The following TOR1AIP2 variants were observed in gnomAD, a reference collection of about 807,000 sequenced individuals.
TOR1AIP2 encodes the protein torsin 1A interacting protein 2.
Under a neutral mutation model 32.6 loss-of-function variants are expected in TOR1AIP2, and 20 were observed. That is an observed-to-expected ratio of 0.61 (90% confidence interval 0.43 to 0.89). The LOEUF (loss-of-function observed/expected upper bound fraction) is 0.89, where lower values mean the gene tolerates loss of function less well. Among genes scored for constraint, TOR1AIP2 ranks in the 40% least tolerant of loss-of-function variants. The pLI is 0.00. For synonymous variants in TOR1AIP2, 214 were observed against 210.8 expected (o/e 1.02, Z -0.13); for missense variants, 456 against 553.8 (o/e 0.82, Z 1.77).
At position 179,864,690 on chromosome 1, in the gene TOR1AIP2, G is replaced by A. The variant is rs140718956; in HGVS notation, c.-147+746C>T. 2.7e-6 allele frequency: 4 copies of A among 1,500,084 alleles called. No individual in the cohort carries two copies. The African/African-American group carries it at 5.6e-5, about 21-fold the overall frequency. 92.9% of individuals were successfully genotyped at this position (1,500,084 alleles called of 1,614,324 possible). A position where few individuals can be genotyped will look rare whatever the true frequency, so the allele number is the denominator to read the frequency against. ...GCAGTTCCCAAAGTAGTGACAATCT[G>A]GGTCAGACTTAGAAATGAATTATTT... On this transcript the variant is annotated intron_variant, in intron 3 of 6. Coordinates refer to ENST00000609928, the MANE Select transcript of TOR1AIP2 (RefSeq NM_001199260.2).
intron 3 of TOR1AIP2, chr1:179,860,417 G>C (rs1365034181): frequency 1.0e-6 from 1 of 962,958 alleles, no homozygotes; most frequent in East Asian, 1.2e-4. Flanking sequence ...AGAAGGTCAA[G>C]GCTGCAGTGA....
intron 3 of TOR1AIP2, among the ~76,000 whole-genome samples, chr1:179,858,082 G>A (rs796984560): frequency 5.9e-5 from 9 of 151,558 alleles, no homozygotes; most frequent in African/African-American, 2.2e-4. Flanking sequence ...TTGAGCCCAG[G>A]AGTTCAAGGC....
intron 2 of TOR1AIP2, chr1:179,873,947 T>C (rs1000410552): frequency 4.6e-5 from 7 of 152,244 alleles, no homozygotes; most frequent in Admixed American, 2.0e-4. Context: ...ATAAGATTTT[T>C]CAGGCTCATC....
chr1:179,877,056 G>A (rs899120738), intron 2 of TOR1AIP2, among the ~76,000 whole-genome samples, 183 bp downstream of exon 2: 1 of 151,506 alleles, frequency 6.6e-6, no homozygotes, highest in Non-Finnish European at 1.5e-5. Context: ...TAGGCATGTT[G>A]GGAATGGAGT....
intron 2 of TOR1AIP2, chr1:179,875,146 G>C (rs896974802): frequency 1.3e-5 from 2 of 152,444 alleles, no homozygotes; most frequent in Non-Finnish European, 2.9e-5. Context: ...GATTACAGGT[G>C]CCCGCCACCA....
intron 3 of TOR1AIP2, chr1:179,865,215 C>G: frequency 6.4e-7 from 1 of 1,552,768 alleles, no homozygotes; most frequent in Non-Finnish European, 8.7e-7. Context: ...AATGTGACAG[C>G]AAGAGACAAC....
chr1:179,850,340 C>A (rs189616273), intron 5 of TOR1AIP2, among the ~76,000 whole-genome samples: 81 of 152,278 alleles, frequency 5.3e-4, no homozygotes, highest in African/African-American at 1.8e-3. Context: ...GCAGAAAAAA[C>A]CACGTATAGA....
chr1:179,860,980 T>G (rs775354347), intron 3 of TOR1AIP2: 15 of 985,358 alleles, frequency 1.5e-5, no homozygotes, highest in Non-Finnish European at 1.3e-5. Flanking sequence ...AGATGAATCT[T>G]ACCTCACTCA....
At chr1:179,850,816 CA>C (rs1325659003) in intron 5 of TOR1AIP2, 28 bp downstream of exon 5, 1 of 1,600,520 alleles carries the variant, frequency 6.2e-7, no homozygotes, top group Non-Finnish European at 8.5e-7. Context: ...CAGTACAAAA[CA>C]GGAGAGTAGT....
chr1:179,869,111 G>A (rs1696916105), intron 2 of TOR1AIP2: 1 of 152,236 alleles, frequency 6.6e-6, no homozygotes, highest in South Asian at 2.1e-4. Context: ...CAAAGTGCTG[G>A]TATTATAGGC....
intron 3 of TOR1AIP2, among the ~76,000 whole-genome samples, chr1:179,858,322 T>G (rs748791824): frequency 6.6e-6 from 1 of 151,646 alleles, no homozygotes; most frequent in Non-Finnish European, 1.5e-5. Context: ...ATATATAAAT[T>G]TATAACAAAA....
At chr1:179,862,244 G>T (rs1696567731) in intron 3 of TOR1AIP2, 1 of 980,524 alleles carries the variant, frequency 1.0e-6, no homozygotes. Flanking sequence ...TTTCACATTT[G>T]TAGAATGTTT....
intron 5 of TOR1AIP2, among the ~76,000 whole-genome samples, chr1:179,848,122 A>T (rs1220100120): frequency 1.3e-5 from 2 of 152,224 alleles, no homozygotes; most frequent in Non-Finnish European, 2.9e-5. Context: ...GGATAAAATG[A>T]AATACTGTGA....
At chr1:179,854,725 G>C (rs1247091386) in intron 3 of TOR1AIP2, among the ~76,000 whole-genome samples, 3 of 152,096 alleles carry the variant, frequency 2.0e-5, no homozygotes, top group Non-Finnish European at 4.4e-5. Context: ...ACAAAAATTA[G>C]CCGGGCATGG....
In TOR1AIP2 at chr1:179,859,852, G is replaced by T. The variant is rs545056294; in HGVS notation, c.-147+5584C>A. ...TTTTTTGTTTTTGTTTTTAGATAAA[G>T]GGCCTTACTCTGTTGCCCAGGCTGG... On this transcript the variant is annotated intron_variant, in intron 3 of 6. Transcript: ENST00000609928. The T allele has an allele frequency of 1.5e-5, 15 of 984,828 alleles. No individual in the cohort carries two copies. In the East Asian group the frequency reaches 1.1e-3, roughly 75 times the overall value. 61.0% of individuals were successfully genotyped at this position (984,828 alleles called of 1,614,324 possible). A position where few individuals can be genotyped will look rare whatever the true frequency, so the allele number is the denominator to read the frequency against.
chr1:179,864,716 T>C (rs1391422516), intron 3 of TOR1AIP2: 36 of 1,508,076 alleles, frequency 2.4e-5, no homozygotes, highest in Non-Finnish European at 3.2e-5. Context: ...TGAATTATTT[T>C]TCCATCTTCC....
In TOR1AIP2 at chr1:179,840,889, T is replaced by TATAATAATATTAATAATAATAATA. The variant is rs1695698601; in HGVS notation, c.*5181_*5182insTATTATTATTATTAATATTATTAT. ...TCCACATGTATCCCAGAACTTAAAC[T>TATAATAATATTAATAATAATAATA]ATAATAATAATAATAATAATAATAA... is the stretch of plus-strand genomic sequence containing the variant. On this transcript the variant is annotated 3_prime_UTR_variant, in exon 7 of 7. Transcript: ENST00000609928. 6.8e-6 allele frequency: 1 copy of TATAATAATATTAATAATAATAATA among 146,748 alleles called. No homozygotes were observed. The highest frequency in any genetic ancestry group is 2.6e-5 in the African/African-American group (1 of 38,824). The allele number at this position is 146,748 out of a possible 1,614,324, so 9.1% of individuals were successfully genotyped here.
chr1:179,846,822 A>T lies in TOR1AIP2; in HGVS notation c.662T>A (p.Val221Glu). 6.3e-7 allele frequency: 1 copy of T among 1,589,846 alleles called. No homozygotes were observed. Among genetic ancestry groups the T allele is most frequent in the Non-Finnish European group, 8.6e-7 (1 of 1,166,456 alleles). ...AGCCACAACCAGGACGACAAGAATC[A>T]CAGGGCCTGTCAAAAGAATGAAAAA... Reference protein sequence around the residue: ...NKKGFWSYGPVILVVLVVAVV... With the variant: ...NKKGFWSYGPEILVVLVVAVV... The change falls in exon 7 of 7, where the codon GTG (valine) becomes GAG (glutamate). Residue 221 changes from valine to glutamate, a missense_variant. Coordinates refer to ENST00000609928, the MANE Select transcript of TOR1AIP2 (RefSeq NM_001199260.2).
chr1:179,875,531 T>G (rs941306105), intron 2 of TOR1AIP2: 5 of 152,160 alleles, frequency 3.3e-5, no homozygotes, highest in Non-Finnish European at 7.3e-5. Flanking sequence ...GTTTCAAAAT[T>G]TGACTTTTTC....
Sources: allele counts gnomAD v4.1 joint callset (sites outside exome capture counted in the v4.1 genomes callset), GRCh38; gene constraint gnomAD v4.1.1; transcripts MANE v1.5; gene names NCBI Gene and HGNC (gene_info 2026-07-23, HGNC 2026-07-21).